BMAL1: variants seen among roughly 807,000 people sequenced by gnomAD.
The protein encoded by BMAL1 is basic helix-loop-helix ARNT like 1, also known as basic helix-loop-helix ARNT-like protein 1.
the BMAL1 span, among the ~76,000 whole-genome samples, chr11:13,367,530 G>A: frequency 1.3e-5 from 2 of 151,862 alleles, no homozygotes; most frequent in Admixed American, 6.6e-5. Context: ...GCAAAACCCC[G>A]TCTCTACTAA....
the BMAL1 span, among the ~76,000 whole-genome samples, chr11:13,368,427 C>T: frequency 2.0e-5 from 3 of 152,140 alleles, no homozygotes. Context: ...TTGGACAAAA[C>T]GTGCACGGAG....
chr11:13,367,194 C>CT, the BMAL1 span, among the ~76,000 whole-genome samples: 5 of 152,196 alleles, frequency 3.3e-5, no homozygotes, highest in Non-Finnish European at 7.4e-5. Context: ...AAAACGTCAA[C>CT]TATAAATATG....
chr11:13,335,379 CTGCCTCTTTT>C, the BMAL1 span, among the ~76,000 whole-genome samples: 1 of 152,214 alleles, frequency 6.6e-6, no homozygotes, highest in Non-Finnish European at 1.5e-5. Context: ...GCTAACCTCT[CTGCCTCTTTT>C]TGTCTGTAGA....
At chr11:13,373,972 G>C in the BMAL1 span, 2 of 752,700 alleles carry the variant, frequency 2.7e-6, no homozygotes, top group Non-Finnish European at 4.4e-6. Context: ...AATCCATCCA[G>C]CTCTTTTGCC....
chr11:13,284,182 ATATATATATATG>A, the BMAL1 span, among the ~76,000 whole-genome samples: 7 of 55,196 alleles, frequency 1.3e-4, 2 homozygotes, highest in African/African-American at 2.7e-4. Context: ...ATATATGTGT[ATATATATATATG>A]TGTGTATATA....
the BMAL1 span, among the ~76,000 whole-genome samples, chr11:13,343,937 G>A: frequency 1.6e-4 from 25 of 152,070 alleles, no homozygotes; most frequent in African/African-American, 4.3e-4. Context: ...TCCAAATGCC[G>A]TCTCCTTGAT....
chr11:13,337,207 A>C, the BMAL1 span, among the ~76,000 whole-genome samples: 1 of 152,202 alleles, frequency 6.6e-6, no homozygotes, highest in South Asian at 2.1e-4. Flanking sequence ...GAAAATTGAG[A>C]AATTATAACG....
the BMAL1 span, among the ~76,000 whole-genome samples, chr11:13,311,001 C>T: frequency 1.1e-3 from 166 of 152,230 alleles, no homozygotes; most frequent in Non-Finnish European, 1.9e-3. Context: ...AAAGGGAGAA[C>T]CAATAGCGTT....
At chr11:13,303,254 A>G in the BMAL1 span, among the ~76,000 whole-genome samples, 193 of 152,160 alleles carry the variant, frequency 1.3e-3, 1 homozygote, top group Non-Finnish European at 2.5e-4. Context: ...TTGGCAACAA[A>G]TGATTGTCTG....
At chr11:13,293,887 A>G in the BMAL1 span, among the ~76,000 whole-genome samples, 1 of 152,260 alleles carries the variant, frequency 6.6e-6, no homozygotes. Flanking sequence ...TCCCAAGGCC[A>G]CCAAAACTTG....
At chr11:13,278,542 G>C in the BMAL1 span, among the ~76,000 whole-genome samples, 1 of 152,098 alleles carries the variant, frequency 6.6e-6, no homozygotes, top group Non-Finnish European at 1.5e-5. Flanking sequence ...GTCCAAGTCC[G>C]CCCGCCCCTT....
the BMAL1 span, chr11:13,372,482 A>G: frequency 6.4e-7 from 1 of 1,574,504 alleles, no homozygotes; most frequent in East Asian, 2.3e-5. Context: ...AGCAGAGAAG[A>G]CTGGGCCATC....
chr11:13,281,469 C>T, the BMAL1 span, among the ~76,000 whole-genome samples: 2 of 152,178 alleles, frequency 1.3e-5, no homozygotes, highest in South Asian at 4.1e-4. Flanking sequence ...GTTCCTGGGG[C>T]CCATCTGCCC....
At chr11:13,371,990 AGTTT>A in the BMAL1 span, among the ~76,000 whole-genome samples, 1 of 152,136 alleles carries the variant, frequency 6.6e-6, no homozygotes. Flanking sequence ...ACTGGATGAC[AGTTT>A]GTTTCTCTTT....
chr11:13,287,168 A>G, the BMAL1 span, among the ~76,000 whole-genome samples: 1 of 152,160 alleles, frequency 6.6e-6, no homozygotes, highest in Admixed American at 6.5e-5. Context: ...TATTTAAGTG[A>G]CGTTAGTGGC....
chr11:13,372,524 A>G, the BMAL1 span: 10 of 1,493,940 alleles, frequency 6.7e-6, no homozygotes, highest in Non-Finnish European at 9.0e-6. Context: ...AGAAAGAAAG[A>G]AAAAGCTGGG....
the BMAL1 span, chr11:13,386,564 A>C: frequency 2.0e-6 from 3 of 1,523,970 alleles, no homozygotes; most frequent in Admixed American, 5.7e-5. Flanking sequence ...TTAAAAAAGA[A>C]ATCACTGACC....
the BMAL1 span, chr11:13,354,992 T>G: frequency 3.5e-5 from 13 of 374,486 alleles, no homozygotes; most frequent in Non-Finnish European, 5.4e-5. Flanking sequence ...ATTTTTAGAC[T>G]TGTTGACTTT....
the BMAL1 span, among the ~76,000 whole-genome samples, chr11:13,373,699 G>A: frequency 6.6e-6 from 1 of 152,136 alleles, no homozygotes; most frequent in South Asian, 2.1e-4. Flanking sequence ...GGTAAAGACA[G>A]GGTTTCACCA....
Sources: gnomAD v4.1 joint callset for allele counts (sites outside exome capture counted in the v4.1 genomes callset) on GRCh38, gnomAD v4.1.1 for gene constraint, MANE v1.5 for transcripts, NCBI Gene and HGNC (gene_info 2026-07-23, HGNC 2026-07-21) for gene names.